CD109: variants seen among roughly 807,000 people sequenced by gnomAD.
CD109 encodes CD109 antigen.
In CD109, 149 loss-of-function variants were observed where a neutral mutation model predicts 165.8. The ratio of observed to expected loss-of-function variants is 0.90; its 90% CI spans 0.79 to 1.03. The LOEUF (loss-of-function observed/expected upper bound fraction) is 1.03, where lower values mean the gene tolerates loss of function less well. Ranked by LOEUF, CD109 falls within the 50% of genes least tolerant of loss-of-function variation. The pLI is 0.00. For missense variants in CD109, 1,712 were observed against 1,677.8 expected, an observed-to-expected ratio of 1.02 and a Z score of -0.36; for synonymous variants, 585 against 592.1, an observed-to-expected ratio of 0.99 and a Z score of 0.18.
At chr6:73,696,868 C>G (rs117822187) in intron 1 of CD109, among the ~76,000 whole-genome samples, 1 of 152,136 alleles carries the variant, frequency 6.6e-6, no homozygotes, top group African/African-American at 2.4e-5. Context: ...GGAATTTTCA[C>G]CAGTTGTAGT....
chr6:73,697,415 G>A lies in CD109; in HGVS notation c.90G>A (p.Val30=), dbSNP rs1238842039. 8 of 1,613,834 alleles carry A rather than the reference G, an allele frequency of 5.0e-6. No individual in the cohort carries two copies. Residue 30 remains valine, a synonymous_variant, in exon 2 of 33, where the codon GTG becomes GTA. Transcript: ENST00000287097. Reference sequence around the variant, plus strand: ...AACTCTTTAGGCCTCGGTTTCTGGTGACAGCCCCAGGGATCATCAGGCCCG... The same window carrying A: ...AACTCTTTAGGCCTCGGTTTCTGGTAACAGCCCCAGGGATCATCAGGCCCG... The part of the protein sequence containing the change: ...LAVAPGPRFL[V]TAPGIIRPGG...
intron 2 of CD109, among the ~76,000 whole-genome samples, chr6:73,708,685 G>A (rs1288242417): frequency 6.6e-6 from 1 of 152,066 alleles, no homozygotes; most frequent in Non-Finnish European, 1.5e-5. Context: ...TTTAATGATC[G>A]CCATTCTAAC....
Position 73,766,984 on chromosome 6 carries a change from A to C in CD109, c.1471A>C (p.Lys491Gln), listed in dbSNP as rs753983031. The C allele has an allele frequency of 6.2e-7, 1 of 1,613,802 alleles. No homozygotes were observed. The highest frequency in any genetic ancestry group is 1.7e-5 in the Admixed American group (1 of 60,022). The change falls in exon 13 of 33, where the codon AAA (lysine) becomes CAA (glutamine). Residue 491 changes from lysine to glutamine, a missense_variant. Physicochemically the swap from Lys to Gln is moderately conservative, Grantham distance 53 (BLOSUM62 1). Transcript: ENST00000287097. ...TTTTGAGTTGGTGGTTAGTGGCAAC[A>C]AACGATTGAAGGAGTTAAGCTATAT... ...SPFELVVSGN[K>Q]RLKELSYMVV...
rs2150316886 is a variant in CD109, at chr6:73,825,267, T to G, written c.*1634T>G. ...AAGAGGGCAGTTAAGTATCAAATACTTAATTTTCTTGCCTTTTTTTCTTAA... is the reference window on the plus strand; with the variant it reads ...AAGAGGGCAGTTAAGTATCAAATACGTAATTTTCTTGCCTTTTTTTCTTAA... On this transcript the variant is annotated 3_prime_UTR_variant, in exon 33 of 33. Transcript: ENST00000287097. The G allele has an allele frequency of 6.6e-6, 1 of 152,344 alleles. No individual in the cohort carries two copies. The highest frequency in any genetic ancestry group is 1.5e-5 in the Non-Finnish European group (1 of 68,036). 9.4% of individuals were successfully genotyped at this position (152,344 alleles called of 1,614,324 possible). A position where few individuals can be genotyped will look rare whatever the true frequency, so the allele number is the denominator to read the frequency against.
Position 73,824,896 on chromosome 6 carries a change from A to G in CD109, c.*1263A>G, listed in dbSNP as rs1000996165. On this transcript the variant is annotated 3_prime_UTR_variant, in exon 33 of 33. Transcript: ENST00000287097. ...TTTAGATATGTGTCAACAATTAATG[A>G]TCTTTTATTCAATCTAAGAAATGGT... 6.6e-6 allele frequency: 1 copy of G among 152,006 alleles called. No individual in the cohort carries two copies. Among genetic ancestry groups the G allele is most frequent in the Non-Finnish European group, 1.5e-5 (1 of 67,998 alleles). 9.4% of individuals were successfully genotyped at this position (152,006 alleles called of 1,614,324 possible).
chr6:73,699,993 T>C (rs978922240), intron 2 of CD109, among the ~76,000 whole-genome samples: 2 of 152,236 alleles, frequency 1.3e-5, no homozygotes, highest in Admixed American at 6.5e-5. Flanking sequence ...CCAGGACTTC[T>C]AAATCAGGGG....
At chr6:73,711,229 G>T (rs1284196244) in intron 2 of CD109, among the ~76,000 whole-genome samples, 1 of 151,634 alleles carries the variant, frequency 6.6e-6, no homozygotes, top group African/African-American at 2.4e-5. Context: ...ACTTTTAGTA[G>T]GTTTGTGTTT....
chr6:73,803,170 C>T, intron 23 of CD109, 50 bp from the exon 24 acceptor site: 1 of 1,233,160 alleles, frequency 8.1e-7, no homozygotes, highest in Non-Finnish European at 1.2e-6. Context: ...AAACTTTCAT[C>T]CATTGCAAGT....
chr6:73,795,498 T>C (rs1775121504), intron 23 of CD109, among the ~76,000 whole-genome samples: 1 of 152,092 alleles, frequency 6.6e-6, no homozygotes, highest in South Asian at 2.1e-4. Context: ...CCTGGCCAGG[T>C]AGGTGGCCAA....
chr6:73,753,411 T>C (rs1176461461), intron 5 of CD109, among the ~76,000 whole-genome samples: 4 of 152,248 alleles, frequency 2.6e-5, no homozygotes, highest in South Asian at 2.1e-4. Flanking sequence ...ATTAAAATAA[T>C]TGAATTAATT....
intron 5 of CD109, among the ~76,000 whole-genome samples, chr6:73,739,752 G>A (rs1772693244): frequency 6.6e-6 from 1 of 152,124 alleles, no homozygotes. Context: ...GGAGGCTGAG[G>A]CAGGAGAATG....
At chr6:73,736,243 A>T (rs1475207700) in intron 4 of CD109, 140 bp from the exon 5 acceptor site, 2 of 779,138 alleles carry the variant, frequency 2.6e-6, no homozygotes, top group East Asian at 5.5e-5. Flanking sequence ...ACATCCTGCC[A>T]TCCAGCCATA....
intron 2 of CD109, 105 bp from the exon 3 acceptor site, chr6:73,723,146 T>C: frequency 1.3e-6 from 2 of 1,576,998 alleles, no homozygotes; most frequent in Non-Finnish European, 8.5e-7. Context: ...GTATTTATGA[T>C]TCCACCTACA....
intron 29 of CD109, among the ~76,000 whole-genome samples, chr6:73,813,566 G>T (rs1310361099): frequency 6.6e-6 from 1 of 152,080 alleles, no homozygotes; most frequent in Non-Finnish European, 1.5e-5. Context: ...TTACAAAGAA[G>T]TTGGTCACTC....
intron 23 of CD109, among the ~76,000 whole-genome samples, chr6:73,802,553 A>T (rs1258002508): frequency 6.6e-6 from 1 of 152,006 alleles, no homozygotes; most frequent in African/African-American, 2.4e-5. Flanking sequence ...ACAGTGCTAG[A>T]TGACTAAGCA....
chr6:73,826,469 G>A lies in CD109; in HGVS notation c.*2836G>A, dbSNP rs931969493. ...TGGCCGATGCTTCCAGAGACTGAAT[G>A]TTGGGAAAACCTAGTAGCCAAACAA... is the stretch of plus-strand genomic sequence containing the variant. On this transcript the variant is annotated 3_prime_UTR_variant, in exon 33 of 33. Transcript: ENST00000287097. 1 of 152,164 alleles carries A rather than the reference G, an allele frequency of 6.6e-6. No individual in the cohort carries two copies. The highest frequency in any genetic ancestry group is 2.4e-5 in the African/African-American group (1 of 41,436). The allele number at this position is 152,164 out of a possible 1,614,324, so 9.4% of individuals were successfully genotyped here. A position where few individuals can be genotyped will look rare whatever the true frequency, so the allele number is the denominator to read the frequency against.
At chr6:73,761,950 T>C (rs942576744) in intron 7 of CD109, among the ~76,000 whole-genome samples, 1 of 146,412 alleles carries the variant, frequency 6.8e-6, no homozygotes. Context: ...CCATAATGTA[T>C]TTTTTTTTAA....
intron 2 of CD109, among the ~76,000 whole-genome samples, chr6:73,700,870 C>T (rs1196095913): frequency 1.6e-5 from 2 of 126,512 alleles, no homozygotes; most frequent in African/African-American, 3.1e-5. Context: ...GGTGCGATCT[C>T]GGCTCACTGC....
intron 2 of CD109, among the ~76,000 whole-genome samples, chr6:73,714,835 GAA>G (rs1245867050): frequency 3.3e-5 from 5 of 152,340 alleles, no homozygotes; most frequent in African/African-American, 1.2e-4. Context: ...GTTGAGGAGA[GAA>G]AAGAGTTCAA....
Sources: allele counts gnomAD v4.1 joint callset (sites outside exome capture counted in the v4.1 genomes callset), GRCh38; gene constraint gnomAD v4.1.1; transcripts MANE v1.5; gene names NCBI Gene and HGNC (gene_info 2026-07-23, HGNC 2026-07-21).